The following GPR78 variants were observed in gnomAD, a reference collection of about 807,000 sequenced individuals.
The protein encoded by GPR78 is G protein-coupled receptor 78.
A neutral mutation model predicts 17.9 loss-of-function variants in GPR78; 29 were observed. The ratio of observed to expected loss-of-function variants is 1.62; its 90% CI spans 1.20 to 2.21. The LOEUF is 2.21. GPR78 is among the 30% of genes most tolerant of loss of function. The probability of loss-of-function intolerance (pLI) is 0.00; values close to 1 mark genes in which losing one functional copy is unlikely to be tolerated. For missense variants in GPR78, 649 were observed against 530.5 expected (o/e 1.22, Z -2.19); for synonymous variants, 349 against 256.9 (o/e 1.36, Z -3.43).
intron 2 of GPR78, among the ~76,000 whole-genome samples, chr4:8,585,236 G>A (rs564351895): frequency 6.6e-6 from 1 of 152,176 alleles, no homozygotes; most frequent in Non-Finnish European, 1.5e-5. Flanking sequence ...GTGGACACGT[G>A]AGCGAGCCCT....
Position 8,587,099 on chromosome 4 carries a change from C to A in GPR78, c.828C>A (p.Gly276=). The change falls in exon 3 of 3, where the codon GGC becomes GGA. Residue 276 remains glycine (G), a synonymous_variant. Transcript: ENST00000382487. ...VPFVTVNAQW[G]ILSKCLTYSK... ...TCGTCACCGTGAACGCCCAGTGGGG[C>A]ATCCTCAGCAAGTGCCTGACCTACA... 6.2e-7 allele frequency: 1 copy of A among 1,613,254 alleles called. No individual in the cohort carries two copies. The highest frequency in any genetic ancestry group is 1.1e-5 in the South Asian group (1 of 91,070).
Position 8,588,515 on chromosome 4 carries a change from A to G in GPR78, c.*1152A>G, listed in dbSNP as rs9991798. ...AGGTGTGTGTGTGAATGAGTGAGCG[A>G]GTGAATGAATGGACACGATTCTCTC... On this transcript the variant is annotated 3_prime_UTR_variant, in exon 3 of 3. Transcript: ENST00000382487. Among the ~76,000 whole-genome samples the G allele has an allele frequency of 0.068, 10,347 of 152,302 alleles. 694 individuals carry two copies. The highest frequency in any genetic ancestry group is 0.18 in the African/African-American group (7,305 of 41,544).
rs748241276 is a variant in GPR78, at chr4:8,587,238, C to T, written c.967C>T (p.His323Tyr). The T allele has an allele frequency of 1.2e-6, 2 of 1,606,514 alleles. No homozygotes were observed. The highest frequency in any genetic ancestry group is 3.3e-5 in the Admixed American group (2 of 59,800). ...GAGAACCCCGCGCCCAGCATCCACC[C>T]ATGACAGCTCTCTGGATGTGGCCGG... ...LKRTPRPAST[H>Y]DSSLDVAGMV... The change falls in exon 3 of 3, where the codon CAT becomes TAT. Residue 323 changes from histidine to tyrosine, a missense_variant. Physicochemically the swap from His to Tyr is moderately conservative, Grantham distance 83. Coordinates refer to ENST00000382487, the MANE Select transcript of GPR78 (RefSeq NM_080819.5).
Position 8,581,169 on chromosome 4 carries a change from A to G in GPR78, c.187A>G (p.Thr63Ala). 6.2e-7 allele frequency: 1 copy of G among 1,603,494 alleles called. No homozygotes were observed. Among genetic ancestry groups the G allele is most frequent in the Non-Finnish European group, 8.5e-7 (1 of 1,179,542 alleles). ...GCTGGCGGCGCTGGACATGCCCTTC[A>G]CGCTGCTCGGTGTGATGCGCGGGCG... ...LLLAALDMPF[T>A]LLGVMRGRTP... The change falls in exon 1 of 3, where the codon ACG (threonine) becomes GCG (alanine). Residue 63 changes from threonine (T) to alanine (A), a missense_variant. Physicochemically the swap from Thr to Ala is moderately conservative, Grantham distance 58. Transcript: ENST00000382487.
rs1244898958 is a variant in GPR78 at position 8,587,205 on chromosome 4, C to A, written c.934C>A (p.Leu312Met). Residue 312 changes from leucine to methionine, a missense_variant, in exon 3 of 3, where the codon CTG (leucine) becomes ATG (methionine). Coordinates refer to ENST00000382487, the MANE Select transcript of GPR78 (RefSeq NM_080819.5). ...AGTCCTGGCCGGCATGGTGCACCGG[C>A]TGCTGAAGAGAACCCCGCGCCCAGC... Reference protein sequence around the residue: ...RQVLAGMVHRLLKRTPRPAST... With the variant: ...RQVLAGMVHRMLKRTPRPAST... 2 of 1,610,756 alleles carry A rather than the reference C, an allele frequency of 1.2e-6. No homozygotes were observed. Among genetic ancestry groups the A allele is most frequent in the Admixed American group, 1.7e-5 (1 of 59,938 alleles).
rs1577101670 is a variant in GPR78 at position 8,589,270 on chromosome 4, A to G, written c.*1907A>G. On this transcript the variant is annotated 3_prime_UTR_variant, in exon 3 of 3. Coordinates refer to ENST00000382487, the MANE Select transcript of GPR78 (RefSeq NM_080819.5). ...AAGTGTAATTCAAATAAAACAAATTATCGTTTGGAATAATAACAACTATAG... is the reference window on the plus strand; with the variant it reads ...AAGTGTAATTCAAATAAAACAAATTGTCGTTTGGAATAATAACAACTATAG... Among the ~76,000 whole-genome samples, 1 of 152,130 alleles carries G rather than the reference A, an allele frequency of 6.6e-6. No homozygotes were observed. Among genetic ancestry groups the G allele is most frequent in the East Asian group, 1.9e-4 (1 of 5,184 alleles).
At position 8,587,607 on chromosome 4, in the gene GPR78, C is replaced by G. The variant is rs976917185; in HGVS notation, c.*244C>G. 2.9e-5 allele frequency: 17 copies of G among 582,252 alleles called. No homozygotes were observed. In the African/African-American group the frequency reaches 3.0e-4, roughly 10 times the overall value. 36.1% of individuals were successfully genotyped at this position (582,252 alleles called of 1,614,324 possible). The stretch of plus-strand genomic sequence containing the variant: ...GCCCCGGGACAGTGGCTTTTCCTCT[C>G]TGAACCTTAGCTTCCTCACCCTTGT... On this transcript the variant is annotated 3_prime_UTR_variant, in exon 3 of 3. Coordinates refer to ENST00000382487, the MANE Select transcript of GPR78 (RefSeq NM_080819.5).
At chr4:8,586,351 T>C (rs1467760992) in intron 2 of GPR78, among the ~76,000 whole-genome samples, 1 of 152,196 alleles carries the variant, frequency 6.6e-6, no homozygotes, top group Non-Finnish European at 1.5e-5. Flanking sequence ...GCCTTTCTTA[T>C]GGGAGTTGTG....
chr4:8,585,754 G>T (rs1713479358), intron 2 of GPR78, among the ~76,000 whole-genome samples: 1 of 151,898 alleles, frequency 6.6e-6, no homozygotes, highest in Admixed American at 6.6e-5. Context: ...TTCTGGCCCT[G>T]CCCCTCAGCT....
intron 2 of GPR78, 22 bp downstream of exon 2, chr4:8,582,666 C>A: frequency 6.6e-7 from 1 of 1,505,004 alleles, no homozygotes; most frequent in Non-Finnish European, 9.3e-7. Context: ...CAGTCCGGCT[C>A]CTGTTGTGGG....
Position 8,588,655 on chromosome 4 carries a change from C to T in GPR78, c.*1292C>T, listed in dbSNP as rs543599899. 3.3e-5 allele frequency among the ~76,000 whole-genome samples: 5 copies of T among 152,340 alleles called. No individual in the cohort carries two copies. Among genetic ancestry groups the T allele is most frequent in the East Asian group, 1.9e-4 (1 of 5,174 alleles). The stretch of plus-strand genomic sequence containing the variant: ...ATGGGACTCTCTGATGGGCTTCAAC[C>T]GTGGGCTCTTGCAGGCATGGAGCCT... On this transcript the variant is annotated 3_prime_UTR_variant, in exon 3 of 3. Coordinates refer to ENST00000382487, the MANE Select transcript of GPR78 (RefSeq NM_080819.5).
At position 8,582,539 on chromosome 4, in the gene GPR78, A is replaced by G. The variant is rs2109299612; in HGVS notation, c.677A>G (p.Gln226Arg). Residue 226 changes from glutamine to arginine, a missense_variant, in exon 2 of 3, where the codon CAG becomes CGG. Transcript: ENST00000382487. ...GTCCTCTGTCCCCACAGTGTGCGGCAGCGCTGCCTCATCCAGCAGAAGCGG... is the reference window on the plus strand; with the variant it reads ...GTCCTCTGTCCCCACAGTGTGCGGCGGCGCTGCCTCATCCAGCAGAAGCGG... The part of the protein sequence containing the change: ...LLADLHPSVR[Q>R]RCLIQQKRRR... The G allele has an allele frequency of 6.2e-7, 1 of 1,605,932 alleles. No individual in the cohort carries two copies. The highest frequency in any genetic ancestry group is 1.3e-5 in the African/African-American group (1 of 74,982).
At position 8,581,328 on chromosome 4, in the gene GPR78, G is replaced by A. The variant is rs1009060524; in HGVS notation, c.346G>A (p.Gly116Arg). ...LAVGFPLRYA[G>R]RLRPRYAGLL... ...AGTGGGCTTCCCACTGCGCTACGCCGGACGCCTGCGACCGCGCTATGCCGG... is the reference window on the plus strand; with the variant it reads ...AGTGGGCTTCCCACTGCGCTACGCCAGACGCCTGCGACCGCGCTATGCCGG... The change falls in exon 1 of 3, where the codon GGA (glycine) becomes AGA (arginine). Residue 116 changes from glycine to arginine, a missense_variant. Coordinates refer to ENST00000382487, the MANE Select transcript of GPR78 (RefSeq NM_080819.5). 1.9e-6 allele frequency: 3 copies of A among 1,576,810 alleles called. No individual in the cohort carries two copies. The highest frequency in any genetic ancestry group is 2.7e-5 in the African/African-American group (2 of 74,366).
Position 8,587,687 on chromosome 4 carries a change from A to C in GPR78, c.*324A>C, listed in dbSNP as rs1713571448. 1 of 441,884 alleles carries C rather than the reference A, an allele frequency of 2.3e-6. No homozygotes were observed. The allele number at this position is 441,884 out of a possible 1,614,324, so 27.4% of individuals were successfully genotyped here. On this transcript the variant is annotated 3_prime_UTR_variant, in exon 3 of 3. Coordinates refer to ENST00000382487, the MANE Select transcript of GPR78 (RefSeq NM_080819.5). Reference sequence around the variant, plus strand: ...TGGGTAGGGAAGTGCCCTGTGTGGCATATGGTACTCGTGGGCGTGCTATAA... The same window carrying C: ...TGGGTAGGGAAGTGCCCTGTGTGGCCTATGGTACTCGTGGGCGTGCTATAA...
rs139708144 is a variant in GPR78 at position 8,587,384 on chromosome 4, C to A, written c.*21C>A. The A allele has an allele frequency of 6.8e-5, 109 of 1,601,660 alleles. No homozygotes were observed. The highest frequency in any genetic ancestry group is 9.1e-5 in the Non-Finnish European group (107 of 1,172,378). On this transcript the variant is annotated 3_prime_UTR_variant, in exon 3 of 3. Transcript: ENST00000382487. ...ACTGAGGGCCTGGCAGGGCTCATCG[C>A]CCCCACCTTCTAAGAAGCCCTGTGG...
At chr4:8,582,389 C>G (rs1223917859) in intron 1 of GPR78, 142 bp from the exon 2 acceptor site, 2 of 589,930 alleles carry the variant, frequency 3.4e-6, no homozygotes, top group East Asian at 5.6e-5. Flanking sequence ...TCTCTCTCCC[C>G]CATCCCTCTG....
In GPR78 at chr4:8,588,709, G is replaced by A. The variant is rs1577101388; in HGVS notation, c.*1346G>A. On this transcript the variant is annotated 3_prime_UTR_variant, in exon 3 of 3. Coordinates refer to ENST00000382487, the MANE Select transcript of GPR78 (RefSeq NM_080819.5). ...TCATGACACCTTACACCCAAGGCCA[G>A]CAATGCAAGGAGAGTATGGACATCA... 6.6e-6 allele frequency among the ~76,000 whole-genome samples: 1 copy of A among 152,200 alleles called. No homozygotes were observed. Among genetic ancestry groups the A allele is most frequent in the South Asian group, 2.1e-4 (1 of 4,832 alleles).
chr4:8,583,344 A>T (rs746446764), intron 2 of GPR78, among the ~76,000 whole-genome samples: 1 of 150,090 alleles, frequency 6.7e-6, no homozygotes, highest in Admixed American at 6.8e-5. Flanking sequence ...TTTATTAGAG[A>T]TGGTGACTGC....
chr4:8,581,013 C>T lies in GPR78; in HGVS notation c.31C>T (p.Leu11Phe), dbSNP rs771913090. 1.3e-6 allele frequency: 2 copies of T among 1,591,700 alleles called. No individual in the cohort carries two copies. Among genetic ancestry groups the T allele is most frequent in the South Asian group, 1.1e-5 (1 of 89,070 alleles). The stretch of plus-strand genomic sequence containing the variant: ...CCCCGGCGAGGCGCTGCTGGCGGGT[C>T]TCCTGGTGATGGTACTGGCCGTGGC... MGPGEALLAG[L>F]LVMVLAVALL... Residue 11 changes from leucine to phenylalanine, a missense_variant, in exon 1 of 3, where the codon CTC becomes TTC. Transcript: ENST00000382487.
Sources: gnomAD v4.1 joint callset for allele counts (sites outside exome capture counted in the v4.1 genomes callset) on GRCh38, gnomAD v4.1.1 for gene constraint, MANE v1.5 for transcripts, NCBI Gene and HGNC (gene_info 2026-07-23, HGNC 2026-07-21) for gene names.